Variants in MBD5 observed in about 807,000 individuals in gnomAD.
MBD5 encodes methyl-CpG binding domain protein 5.
MBD5 carries 13 observed loss-of-function variants against 117.3 expected under a neutral mutation model. The ratio of observed to expected loss-of-function variants is 0.11; its 90% CI spans 0.07 to 0.18. The LOEUF is 0.18. Among genes scored for constraint, MBD5 ranks in the 10% least tolerant of loss-of-function variants. MBD5 has a pLI of 1.00. For missense variants in MBD5, 1,879 were observed against 2,093.8 expected, an observed-to-expected ratio of 0.90 and a Z score of 2.00; for synonymous variants, 727 against 766.4, an observed-to-expected ratio of 0.95 and a Z score of 0.85.
At chr2:148,188,785 T>C (rs896894597) in intron 2 of MBD5, among the ~76,000 whole-genome samples, 12 of 151,856 alleles carry the variant, frequency 7.9e-5, no homozygotes, top group Non-Finnish European at 1.0e-4. Context: ...AGCTCCGGTC[T>C]ACAGCTCCCA....
At chr2:148,218,726 C>T (rs989432616) in intron 2 of MBD5, among the ~76,000 whole-genome samples, 1 of 152,002 alleles carries the variant, frequency 6.6e-6, no homozygotes, top group Non-Finnish European at 1.5e-5. Flanking sequence ...TAGAGAATTA[C>T]AACATAATGG....
intron 1 of MBD5, among the ~76,000 whole-genome samples, chr2:148,172,806 C>T (rs955684824): frequency 6.6e-6 from 1 of 152,106 alleles, no homozygotes; most frequent in African/African-American, 2.4e-5. Flanking sequence ...TCATACAGAC[C>T]GTTGGGACTA....
At chr2:148,059,489 C>T (rs1454153208) in intron 1 of MBD5, among the ~76,000 whole-genome samples, 2 of 152,076 alleles carry the variant, frequency 1.3e-5, no homozygotes, top group African/African-American at 4.8e-5. Flanking sequence ...AATATACTAG[C>T]ATAATTAAAA....
At chr2:148,160,739 A>G (rs1475160213) in intron 1 of MBD5, among the ~76,000 whole-genome samples, 1 of 152,158 alleles carries the variant, frequency 6.6e-6, no homozygotes, top group African/African-American at 2.4e-5. Flanking sequence ...TTAGTATTTG[A>G]TTTTTAAATC....
intron 1 of MBD5, among the ~76,000 whole-genome samples, chr2:148,174,671 C>G (rs990983425): frequency 6.6e-6 from 1 of 151,424 alleles, no homozygotes; most frequent in Non-Finnish European, 1.5e-5. Context: ...AAAAAGGCAT[C>G]CAAAAGTCCA....
chr2:148,296,863 A>ATTTTTTTTTTTTT lies in MBD5; in HGVS notation c.-679-45351_-679-45350insTTTTTTTTTTTTT, dbSNP rs1559010681. ...TAAGCATAGTTTGCTTTAGTTCTTCAATTTTTTTTTTTTTTTTTTTTGGAG... is the reference window on the plus strand; with the variant it reads ...TAAGCATAGTTTGCTTTAGTTCTTCATTTTTTTTTTTTTATTTTTTTTTTTTTTTTTTTTGGAG... On this transcript the variant is annotated intron_variant, in intron 3 of 13. Coordinates refer to ENST00000642680, the MANE Select transcript of MBD5 (RefSeq NM_001378120.1). Among the ~76,000 whole-genome samples the ATTTTTTTTTTTTT allele has an allele frequency of 9.0e-4, 34 of 37,702 alleles. 5 individuals are homozygous for ATTTTTTTTTTTTT. Among genetic ancestry groups the ATTTTTTTTTTTTT allele is most frequent in the African/African-American group, 1.0e-3 (14 of 13,486 alleles). The allele number at this position is 37,702 out of a possible 152,430, so 24.7% of individuals were successfully genotyped here. A position where few individuals can be genotyped will look rare whatever the true frequency, so the allele number is the denominator to read the frequency against.
intron 2 of MBD5, among the ~76,000 whole-genome samples, chr2:148,205,159 C>T (rs1699246908): frequency 6.6e-6 from 1 of 152,074 alleles, no homozygotes; most frequent in Admixed American, 6.5e-5. Context: ...TCACTGTAAC[C>T]TCCACTTCCC....
At chr2:148,357,620 C>A (rs1286133052) in intron 4 of MBD5, among the ~76,000 whole-genome samples, 1 of 151,834 alleles carries the variant, frequency 6.6e-6, no homozygotes, top group African/African-American at 2.4e-5. Flanking sequence ...ATAATTCTCC[C>A]CTAACCCACC....
chr2:148,498,497 C>T (rs145407249), intron 11 of MBD5, among the ~76,000 whole-genome samples: 1,799 of 152,196 alleles, frequency 0.012, 23 homozygotes, highest in Non-Finnish European at 0.018. Flanking sequence ...GCCACCATGC[C>T]CAGCTATTTT....
intron 3 of MBD5, chr2:148,243,981 A>G (rs1295435630): frequency 2.0e-5 from 3 of 151,348 alleles, no homozygotes; most frequent in Non-Finnish European, 4.4e-5. Context: ...AACCTAGCAT[A>G]TTGCCTGGAA....
chr2:148,272,026 A>T (rs1700998607), intron 3 of MBD5, among the ~76,000 whole-genome samples: 1 of 152,188 alleles, frequency 6.6e-6, no homozygotes, highest in South Asian at 2.1e-4. Flanking sequence ...ACATGTAAAT[A>T]AGATCATGCA....
chr2:148,361,866 G>A (rs535925645), intron 4 of MBD5, among the ~76,000 whole-genome samples: 44 of 152,142 alleles, frequency 2.9e-4, no homozygotes, highest in African/African-American at 1.0e-3. Flanking sequence ...CAGCCCTCCC[G>A]ACTGGGGAAG....
chr2:148,159,311 T>C (rs964778766), intron 1 of MBD5, among the ~76,000 whole-genome samples: 1 of 152,058 alleles, frequency 6.6e-6, no homozygotes, highest in African/African-American at 2.4e-5. Context: ...TGTTTTGTTG[T>C]TGTTGTTGTT....
At chr2:148,197,808 TTTTTTTTTTG>T in intron 2 of MBD5, among the ~76,000 whole-genome samples, 1 of 97,274 alleles carries the variant, frequency 1.0e-5, no homozygotes, top group East Asian at 3.4e-4. Context: ...TTTTTTTTGT[TTTTTTTTTTG>T]TTTTTTTTTT....
chr2:148,238,493 T>C (rs1252835783), intron 3 of MBD5, among the ~76,000 whole-genome samples: 1 of 152,196 alleles, frequency 6.6e-6, no homozygotes, highest in Admixed American at 6.5e-5. Flanking sequence ...GTTTATTTGG[T>C]CTGAAAAATG....
At chr2:148,102,766 A>AGAGAGAGG (rs1696265546) in intron 1 of MBD5, among the ~76,000 whole-genome samples, 1 of 135,224 alleles carries the variant, frequency 7.4e-6, no homozygotes, top group African/African-American at 2.8e-5. Context: ...AGAGAGGAAG[A>AGAGAGAGG]GAGAGAGAGA....
intron 1 of MBD5, among the ~76,000 whole-genome samples, chr2:148,165,200 TCC>T (rs1698097785): frequency 2.6e-5 from 4 of 152,196 alleles, no homozygotes; most frequent in Non-Finnish European, 5.9e-5. Flanking sequence ...TTGTATTTGT[TCC>T]TCTTTTATCT....
intron 2 of MBD5, among the ~76,000 whole-genome samples, chr2:148,201,438 A>C (rs1699138931): frequency 6.6e-6 from 1 of 152,140 alleles, no homozygotes; most frequent in Non-Finnish European, 1.5e-5. Context: ...TTTTAGTCCC[A>C]TTGTCTGCAG....
At chr2:148,267,540 A>G (rs986616331) in intron 3 of MBD5, among the ~76,000 whole-genome samples, 4 of 152,212 alleles carry the variant, frequency 2.6e-5, no homozygotes, top group African/African-American at 9.6e-5. Flanking sequence ...AAGAAATAAT[A>G]TATTACTGAC....
Sources: allele counts gnomAD v4.1 joint callset (sites outside exome capture counted in the v4.1 genomes callset), GRCh38; gene constraint gnomAD v4.1.1; transcripts MANE v1.5; gene names NCBI Gene and HGNC (gene_info 2026-07-23, HGNC 2026-07-21).